The following LOXL2 variants were observed in gnomAD, a reference collection of about 807,000 sequenced individuals.
The protein encoded by LOXL2 is lysyl oxidase like 2, also known as lysyl oxidase homolog 2.
LOXL2 carries 70 observed loss-of-function variants against 93.0 expected under a neutral mutation model. The observed-to-expected ratio is 0.75, with a 90% CI of 0.62 to 0.92. The LOEUF is 0.92. Ranked by LOEUF, LOXL2 falls within the 40% of genes least tolerant of loss-of-function variation. The probability of loss-of-function intolerance (pLI) is 0.00; values close to 1 mark genes in which losing one functional copy is unlikely to be tolerated. For missense variants in LOXL2, 973 were observed against 1,054.9 expected, an observed-to-expected ratio of 0.92 and a Z score of 1.08; for synonymous variants, 438 against 413.2, an observed-to-expected ratio of 1.06 and a Z score of -0.73.
chr8:23,302,695 T>C (rs1287627359), intron 11 of LOXL2, among the ~76,000 whole-genome samples: 2 of 152,176 alleles, frequency 1.3e-5, no homozygotes, highest in Non-Finnish European at 2.9e-5. Context: ...GAAGCTGCCA[T>C]GCCTGGACAC....
At chr8:23,313,868 A>C (rs1170767262) in intron 9 of LOXL2, among the ~76,000 whole-genome samples, 5 of 151,326 alleles carry the variant, frequency 3.3e-5, no homozygotes, top group African/African-American at 7.3e-5. Flanking sequence ...CAACCTACAA[A>C]ATGGGAGAAA....
At chr8:23,364,985 C>G (rs1424933701) in intron 2 of LOXL2, 1 of 152,274 alleles carries the variant, frequency 6.6e-6, no homozygotes, top group Non-Finnish European at 1.5e-5. Flanking sequence ...GAGCAACCAC[C>G]TTAGCTTCAG....
intron 4 of LOXL2, among the ~76,000 whole-genome samples, chr8:23,335,157 C>T (rs951835703): frequency 1.3e-5 from 2 of 152,208 alleles, no homozygotes; most frequent in Middle Eastern, 6.8e-3. Flanking sequence ...TATGCCAAGT[C>T]ATATCATTGT....
intron 1 of LOXL2, among the ~76,000 whole-genome samples, chr8:23,376,943 G>T (rs562704767): frequency 0.087 from 13,267 of 151,914 alleles, 742 homozygotes; most frequent in African/African-American, 0.18. Flanking sequence ...ATCTCCTTCA[G>T]TTCTGCTCTG....
intron 3 of LOXL2, among the ~76,000 whole-genome samples, chr8:23,354,932 A>AATATATATATATATATATATATATAT (rs770424807): frequency 1.7e-5 from 1 of 59,188 alleles, no homozygotes. Flanking sequence ...TGGGAGTTGG[A>AATATATATATATATATATATATATAT]ATATATATAT....
rs1278226356 is a variant in LOXL2 at position 23,298,065 on chromosome 8, T to G, written c.2303A>C (p.Asn768Thr). The G allele has an allele frequency of 1.2e-5, 20 of 1,613,914 alleles. No homozygotes were observed. The highest frequency in any genetic ancestry group is 1.7e-4 in the Middle Eastern group (1 of 5,836). The change falls in exon 14 of 14, where the codon AAC (asparagine) becomes ACC (threonine). Residue 768 changes from asparagine to threonine, a missense_variant. By Grantham distance (65) the Asn-to-Thr change is moderately conservative. Transcript: ENST00000389131. ...TCTTTACTGCGGGGACAGCTGGTTG[T>G]TTAAGAGCCCGCTGAAGTGCTCAAA... ...KKFEHFSGLL[N>T]NQLSPQ
intron 3 of LOXL2, among the ~76,000 whole-genome samples, chr8:23,353,204 T>A (rs1804125896): frequency 6.6e-6 from 1 of 152,074 alleles, no homozygotes; most frequent in Non-Finnish European, 1.5e-5. Context: ...TCTTTCCTTA[T>A]CTAATGCTTT....
intron 3 of LOXL2, among the ~76,000 whole-genome samples, chr8:23,354,130 G>A (rs1333041626): frequency 3.3e-5 from 5 of 152,300 alleles, no homozygotes; most frequent in Middle Eastern, 3.4e-3. Flanking sequence ...GGATGAATTT[G>A]GTCTAGACTG....
chr8:23,352,813 T>A (rs886844234), intron 3 of LOXL2, among the ~76,000 whole-genome samples: 1 of 151,764 alleles, frequency 6.6e-6, no homozygotes, highest in African/African-American at 2.4e-5. Context: ...GTCCTCATCG[T>A]CCCTCTGTTG....
In LOXL2 at chr8:23,318,171, G is replaced by A. The variant is rs562922945; in HGVS notation, c.1471-1057C>T. 2.7e-4 allele frequency among the ~76,000 whole-genome samples: 19 copies of A among 70,628 alleles called. No homozygotes were observed. In the East Asian group the frequency reaches 4.8e-3, roughly 18 times the overall value. 46.3% of individuals were successfully genotyped at this position (70,628 alleles called of 152,430 possible). On this transcript the variant is annotated intron_variant, in intron 8 of 13. Coordinates refer to ENST00000389131, the MANE Select transcript of LOXL2 (RefSeq NM_002318.3). Reference sequence around the variant, plus strand: ...TATCCAATCGGTTGAGGATCTTAAGGGGTAAAAAAAAAAAAAACCCAAAAA... The same window carrying A: ...TATCCAATCGGTTGAGGATCTTAAGAGGTAAAAAAAAAAAAAACCCAAAAA...
Position 23,403,984 on chromosome 8 carries a change from G to A in LOXL2, c.-114C>T, listed in dbSNP as rs541519978. Reference sequence around the variant, plus strand: ...TTCAGGGATCCGCAGTGGCCGGGCTGGGACCGCGCTCTCCACGGTGGTCCC... The same window carrying A: ...TTCAGGGATCCGCAGTGGCCGGGCTAGGACCGCGCTCTCCACGGTGGTCCC... On this transcript the variant is annotated 5_prime_UTR_variant, in exon 1 of 14. Coordinates refer to ENST00000389131, the MANE Select transcript of LOXL2 (RefSeq NM_002318.3). 273 of 169,580 alleles carry A rather than the reference G, an allele frequency of 1.6e-3. 1 individual carries two copies. The highest frequency in any genetic ancestry group is 6.4e-3 in the African/African-American group (266 of 41,742). 10.5% of individuals were successfully genotyped at this position (169,580 alleles called of 1,614,324 possible). A position where few individuals can be genotyped will look rare whatever the true frequency, so the allele number is the denominator to read the frequency against.
intron 3 of LOXL2, among the ~76,000 whole-genome samples, chr8:23,342,433 C>CTTTTTT (rs1178917449): frequency 7.3e-6 from 1 of 137,326 alleles, no homozygotes; most frequent in African/African-American, 2.8e-5. Context: ...TTTTCTTTTT[C>CTTTTTT]TTTTTTTTTT....
rs1189876856 is a variant in LOXL2, at chr8:23,341,015, C to G, written c.720G>C (p.Arg240Ser). The change falls in exon 4 of 14, where the codon AGG becomes AGC. Residue 240 changes from arginine to serine, a missense_variant. Arg to Ser is a moderately radical substitution (Grantham distance 110, BLOSUM62 -1). Coordinates refer to ENST00000389131, the MANE Select transcript of LOXL2 (RefSeq NM_002318.3). ...VCGMFGFPGE[R>S]TYNTKVYKMF... ...ACTTGTACACTTTGGTATTGTATGT[C>G]CTCTCCCCAGGGAAGCCAAACATGC... 3 of 1,614,160 alleles carry G rather than the reference C, an allele frequency of 1.9e-6. No homozygotes were observed. The South Asian group carries it at 3.3e-5, about 18-fold the overall frequency.
chr8:23,342,485 A>C (rs75882349), intron 3 of LOXL2, among the ~76,000 whole-genome samples: 1 of 144,864 alleles, frequency 6.9e-6, no homozygotes, highest in East Asian at 2.1e-4. Context: ...AGGCTGGAGT[A>C]CAGTGGCGCG....
At chr8:23,403,233 C>T (rs970557985) in intron 1 of LOXL2, among the ~76,000 whole-genome samples, 1 of 152,174 alleles carries the variant, frequency 6.6e-6, no homozygotes, top group African/African-American at 2.4e-5. Context: ...TGGGTTCGCT[C>T]GTGCCCGTTC....
intron 9 of LOXL2, among the ~76,000 whole-genome samples, chr8:23,315,221 T>G (rs977111022): frequency 3.3e-5 from 5 of 151,636 alleles, no homozygotes; most frequent in Non-Finnish European, 5.9e-5. Context: ...AAGGTAAAAA[T>G]CAAGAGGGAC....
intron 1 of LOXL2, among the ~76,000 whole-genome samples, chr8:23,379,502 G>A (rs551471038): frequency 6.6e-6 from 1 of 152,240 alleles, no homozygotes; most frequent in East Asian, 1.9e-4. Flanking sequence ...GGTTTCTGCT[G>A]CCTTTTGTTC....
intron 1 of LOXL2, among the ~76,000 whole-genome samples, chr8:23,402,044 A>G (rs1331822084): frequency 1.6e-4 from 25 of 152,216 alleles, no homozygotes; most frequent in Admixed American, 1.6e-3. Flanking sequence ...ATGCGTGCAC[A>G]CACATACACA....
In LOXL2 at chr8:23,297,124, T is replaced by C. The variant is rs1282258272; in HGVS notation, c.*919A>G. ...AAGCTCTGCTTCTGGCCACTGAACA[T>C]AGGAAGCCTGCTGCTCAGGGCCCAG... On this transcript the variant is annotated 3_prime_UTR_variant, in exon 14 of 14. Transcript: ENST00000389131. The C allele has an allele frequency of 2.0e-5, 3 of 152,054 alleles. No homozygotes were observed. Among genetic ancestry groups the C allele is most frequent in the African/African-American group, 2.4e-5 (1 of 41,374 alleles). The allele number at this position is 152,054 out of a possible 1,614,324, so 9.4% of individuals were successfully genotyped here.
Sources: allele counts gnomAD v4.1 joint callset (sites outside exome capture counted in the v4.1 genomes callset), GRCh38; gene constraint gnomAD v4.1.1; transcripts MANE v1.5; gene names NCBI Gene and HGNC (gene_info 2026-07-23, HGNC 2026-07-21).